The following MACROD1 variants were observed in gnomAD, a reference collection of about 807,000 sequenced individuals.
The protein encoded by MACROD1 is mono-ADP ribosylhydrolase 1.
MACROD1 carries 31 observed loss-of-function variants against 41.4 expected under a neutral mutation model. The ratio of observed to expected loss-of-function variants is 0.75; its 90% confidence interval spans 0.56 to 1.01. The LOEUF (loss-of-function observed/expected upper bound fraction) is 1.01. Among genes scored for constraint, MACROD1 ranks in the 50% least tolerant of loss-of-function variants. The pLI, the probability that MACROD1 is intolerant of heterozygous loss-of-function variation, is 0.00. For synonymous variants in MACROD1, 252 were observed against 203.4 expected (o/e 1.24, Z -2.03); for missense variants, 473 against 460.0 (o/e 1.03, Z -0.26).
chr11:64,150,342 A>G (rs932159955), intron 3 of MACROD1, among the ~76,000 whole-genome samples: 1 of 152,186 alleles, frequency 6.6e-6, no homozygotes, highest in Non-Finnish European at 1.5e-5. Flanking sequence ...AGGAGACTCG[A>G]GAAGCTCCTG....
chr11:64,000,473 CCGGCCG>C (rs1356397974), intron 4 of MACROD1, 130 bp from the exon 5 acceptor site: 5 of 520,432 alleles, frequency 9.6e-6, no homozygotes, highest in Non-Finnish European at 1.6e-5. Context: ...CCCGTGGCCT[CCGGCCG>C]CGGCCGCTGC....
intron 3 of MACROD1, among the ~76,000 whole-genome samples, chr11:64,017,145 A>AT (rs1943092967): frequency 6.6e-6 from 1 of 151,840 alleles, no homozygotes; most frequent in Non-Finnish European, 1.5e-5. Context: ...AATTTTTTGT[A>AT]TTTTTGGTAG....
intron 3 of MACROD1, among the ~76,000 whole-genome samples, chr11:64,148,305 C>T (rs2154984): frequency 0.064 from 9,813 of 152,252 alleles, 390 homozygotes; most frequent in Middle Eastern, 0.15. Flanking sequence ...CCACTGCACC[C>T]TTCCCCTCCA....
At chr11:63,999,145 C>G in intron 8 of MACROD1, 109 bp from the exon 9 acceptor site, 1 of 1,319,498 alleles carries the variant, frequency 7.6e-7, no homozygotes. Context: ...GCGCCCTTCA[C>G]GGAGGCTCAC....
In MACROD1 at chr11:64,096,281, CG is replaced by C. The variant is rs1944574710; in HGVS notation, c.517+54957del. On this transcript the variant is annotated intron_variant, in intron 3 of 10. Coordinates refer to ENST00000255681, the MANE Select transcript of MACROD1 (RefSeq NM_014067.4). This position sits in a 1 kb window ranked among gnomAD's most constrained non-coding sequence, Gnocchi z 4.6. Reference sequence around the variant, plus strand: ...GCCAATTTCCTGAAAGAAGAGGTTCCGGCCTTGGCTGGTGGCGCCAGGTTCA... The same window carrying C: ...GCCAATTTCCTGAAAGAAGAGGTTCCGCCTTGGCTGGTGGCGCCAGGTTCA... Among the ~76,000 whole-genome samples the C allele has an allele frequency of 6.6e-6, 1 of 152,224 alleles. No individual in the cohort carries two copies. The highest frequency in any genetic ancestry group is 1.5e-5 in the Non-Finnish European group (1 of 68,036).
chr11:64,030,972 G>A (rs1943286146), intron 3 of MACROD1, among the ~76,000 whole-genome samples: 1 of 152,206 alleles, frequency 6.6e-6, no homozygotes, highest in East Asian at 1.9e-4. Context: ...GCTCTGGGCT[G>A]ATGAGGAGGA....
At chr11:64,061,093 C>G (rs1199973246) in intron 3 of MACROD1, among the ~76,000 whole-genome samples, 1 of 152,194 alleles carries the variant, frequency 6.6e-6, no homozygotes, top group Non-Finnish European at 1.5e-5. Context: ...ACCTGAGAGC[C>G]TCGCGCTGGA....
At chr11:64,035,212 C>T (rs1484468937) in intron 3 of MACROD1, among the ~76,000 whole-genome samples, 2 of 151,932 alleles carry the variant, frequency 1.3e-5, no homozygotes, top group Admixed American at 1.3e-4. Context: ...GGCATGGGAC[C>T]CTGGCACTGC....
chr11:64,011,846 G>C (rs903773566), intron 4 of MACROD1, among the ~76,000 whole-genome samples: 1 of 152,106 alleles, frequency 6.6e-6, no homozygotes, highest in Non-Finnish European at 1.5e-5. Flanking sequence ...GGCAGAGTCA[G>C]ATGGGGTCTA....
At chr11:64,102,547 G>A (rs1029200903) in intron 3 of MACROD1, among the ~76,000 whole-genome samples, 3 of 152,342 alleles carry the variant, frequency 2.0e-5, no homozygotes, top group East Asian at 1.9e-4. Context: ...AGCAGGTGCC[G>A]GGGGAATTGG....
Position 64,090,714 on chromosome 11 carries a change from C to A in MACROD1, c.517+60525G>T, listed in dbSNP as rs1436809899. 2.6e-5 allele frequency among the ~76,000 whole-genome samples: 4 copies of A among 151,986 alleles called. No individual in the cohort carries two copies. The highest frequency in any genetic ancestry group is 9.7e-5 in the African/African-American group (4 of 41,368). ...GGACGTCCCAAGACTAAAATGGGGG[C>A]AGGGGTGGCAGCGTCTCTCCACCAC... On this transcript the variant is annotated intron_variant, in intron 3 of 10. Coordinates refer to ENST00000255681, the MANE Select transcript of MACROD1 (RefSeq NM_014067.4). This position sits in a 1 kb window ranked among gnomAD's most constrained non-coding sequence, Gnocchi z 4.7.
In MACROD1 at chr11:64,125,301, G is replaced by A. The variant is rs1029447652; in HGVS notation, c.517+25938C>T. Among the ~76,000 whole-genome samples the A allele has an allele frequency of 3.9e-5, 6 of 152,256 alleles. No homozygotes were observed. In the South Asian group the frequency reaches 1.2e-3, roughly 32 times the overall value. ...CCTGAAAGCCCAAAGCCTAAGACCA[G>A]AGAGTCCTCAAAGGAAGGTCTTTGC... On this transcript the variant is annotated intron_variant, in intron 3 of 10. Coordinates refer to ENST00000255681, the MANE Select transcript of MACROD1 (RefSeq NM_014067.4).
At chr11:64,022,234 C>G (rs574332600) in intron 3 of MACROD1, among the ~76,000 whole-genome samples, 1 of 152,090 alleles carries the variant, frequency 6.6e-6, no homozygotes, top group Non-Finnish European at 1.5e-5. Context: ...CAGGCAGTGG[C>G]AGGAGGGGCC....
intron 3 of MACROD1, among the ~76,000 whole-genome samples, chr11:64,111,929 G>T (rs1045363445): frequency 6.6e-6 from 1 of 152,140 alleles, no homozygotes; most frequent in Admixed American, 6.5e-5. Context: ...CTCAGCCTGG[G>T]CTGCAGGACT....
At chr11:64,127,819 G>A (rs554305927) in intron 3 of MACROD1, among the ~76,000 whole-genome samples, 6 of 152,166 alleles carry the variant, frequency 3.9e-5, no homozygotes, top group African/African-American at 1.4e-4. Context: ...CACCCCAGAC[G>A]CCCCCCATCC....
chr11:64,045,813 A>G (rs1428024363), intron 3 of MACROD1, among the ~76,000 whole-genome samples: 1 of 152,228 alleles, frequency 6.6e-6, no homozygotes, highest in Non-Finnish European at 1.5e-5. Context: ...ACAGGTGGGC[A>G]TGCTGGCTCA....
intron 3 of MACROD1, among the ~76,000 whole-genome samples, chr11:64,149,355 C>G (rs1277857744): frequency 1.3e-5 from 2 of 152,160 alleles, no homozygotes; most frequent in East Asian, 3.9e-4. Context: ...GGCAAGGACA[C>G]AGAGAAGGGG....
At chr11:64,124,993 T>G (rs1945156552) in intron 3 of MACROD1, among the ~76,000 whole-genome samples, 1 of 152,138 alleles carries the variant, frequency 6.6e-6, no homozygotes, top group African/African-American at 2.4e-5. Context: ...GCCTCGTCTT[T>G]TCTCCACGTC....
chr11:64,059,915 C>T (rs1419435830), intron 3 of MACROD1, among the ~76,000 whole-genome samples: 1 of 152,096 alleles, frequency 6.6e-6, no homozygotes, highest in African/African-American at 2.4e-5. Context: ...GGCTGGCAAC[C>T]GCGACCTCCT....
Sources: allele counts gnomAD v4.1 joint callset (sites outside exome capture counted in the v4.1 genomes callset), GRCh38; gene constraint gnomAD v4.1.1; non-coding constraint Gnocchi (gnomAD v3.1); transcripts MANE v1.5; gene names NCBI Gene and HGNC (gene_info 2026-07-23, HGNC 2026-07-21).